Variants in TLR5 observed in about 807,000 individuals in gnomAD.
The protein encoded by TLR5 is toll like receptor 5.
For missense variants in TLR5, 944 were observed against 999.8 expected, an observed-to-expected ratio of 0.94 and a Z score of 0.75; for synonymous variants, 373 against 384.4, an observed-to-expected ratio of 0.97 and a Z score of 0.35.
chr1:223,112,805 T>G lies in TLR5; in HGVS notation c.227A>C (p.Glu76Ala). The G allele has an allele frequency of 6.2e-7, 1 of 1,612,472 alleles. No individual in the cohort carries two copies. The highest frequency in any genetic ancestry group is 1.7e-5 in the Admixed American group (1 of 59,878). ...FPFLEQLQLL[E>A]LGSQYTPLTI... ...CAAGGGGGTATACTGGCTCCCGAGCTCCAGCAGCTGCAGCTGTTCCAGAAA... is the reference window on the plus strand; with the variant it reads ...CAAGGGGGTATACTGGCTCCCGAGCGCCAGCAGCTGCAGCTGTTCCAGAAA... Residue 76 changes from glutamate (E) to alanine (A), a missense_variant, in exon 6 of 6, where the codon GAG becomes GCG. Glu to Ala is a moderately radical substitution (Grantham distance 107, BLOSUM62 -1). Coordinates refer to ENST00000642603, the MANE Select transcript of TLR5 (RefSeq NM_003268.6).
At position 223,110,697 on chromosome 1, in the gene TLR5, A is replaced by G; in HGVS notation, c.2335T>C (p.Cys779Arg). Residue 779 changes from cysteine (C) to arginine (R), a missense_variant, in exon 6 of 6, where the codon TGC becomes CGC. Transcript: ENST00000642603. ...AGAGCACTGTTAAGGTCAGATAAGC[A>G]CCTGCCCTGGGCATAACTGAAGGCT... is the stretch of plus-strand genomic sequence containing the variant. ...LEAFSYAQGRCLSDLNSALIM... is the reference protein window; with the variant it reads ...LEAFSYAQGRRLSDLNSALIM... 6.2e-7 allele frequency: 1 copy of G among 1,614,142 alleles called. No individual in the cohort carries two copies. Among genetic ancestry groups the G allele is most frequent in the Non-Finnish European group, 8.5e-7 (1 of 1,180,026 alleles).
chr1:223,142,996 C>T (rs1657945699), intron 1 of TLR5, among the ~76,000 whole-genome samples, 200 bp downstream of exon 1: 1 of 152,158 alleles, frequency 6.6e-6, no homozygotes, highest in South Asian at 2.1e-4. Flanking sequence ...GCCGAGGGAC[C>T]CCACGTCTCG....
chr1:223,111,533 C>A lies in TLR5; in HGVS notation c.1499G>T (p.Gly500Val). Residue 500 changes from glycine to valine, a missense_variant, in exon 6 of 6, where the codon GGA becomes GTA. Transcript: ENST00000642603. ...ATACAGAACTTGAAGATGAGAAAGT[C>A]CCTCAAAAACATCCCAACAGAGCTC... ...ETELCWDVFE[G>V]LSHLQVLYLN... 1 of 1,614,064 alleles carries A rather than the reference C, an allele frequency of 6.2e-7. No homozygotes were observed. Among genetic ancestry groups the A allele is most frequent in the South Asian group, 1.1e-5 (1 of 91,058 alleles).
At chr1:223,114,204 G>GT (rs1253134477) in intron 5 of TLR5, among the ~76,000 whole-genome samples, 1 of 152,150 alleles carries the variant, frequency 6.6e-6, no homozygotes, top group Non-Finnish European at 1.5e-5. Context: ...TGGGTTGAGT[G>GT]TTTTTTTCAT....
At position 223,112,708 on chromosome 1, in the gene TLR5, G is replaced by A. The variant is rs1243044972; in HGVS notation, c.324C>T (p.Tyr108=). 1 of 1,614,240 alleles carries A rather than the reference G, an allele frequency of 6.2e-7. No individual in the cohort carries two copies. The highest frequency in any genetic ancestry group is 1.7e-5 in the Admixed American group (1 of 60,028). The change falls in exon 6 of 6, where the codon TAC becomes TAT. Residue 108 remains tyrosine, a synonymous_variant. Transcript: ENST00000642603. ...RILDLGSSKI[Y]FLHPDAFQGL... The stretch of plus-strand genomic sequence containing the variant: ...CCTGAAAAGCATCTGGATGCAAGAA[G>A]TATATCTTACTACTTCCCAGGTCCA...
rs201896501 is a variant in TLR5 at position 223,112,752 on chromosome 1, G to C, written c.280C>G (p.Leu94Val). The C allele has an allele frequency of 5.6e-6, 9 of 1,614,114 alleles. No homozygotes were observed. Among genetic ancestry groups the C allele is most frequent in the Non-Finnish European group, 7.6e-6 (9 of 1,179,998 alleles). ...AGGTCCAAGATTCTAAGGTTGGGCA[G>C]GTTTCTGAAGGCCTCCTTGTCAATA... ...LTIDKEAFRN[L>V]PNLRILDLGS... Residue 94 changes from leucine to valine, a missense_variant, in exon 6 of 6, where the codon CTG (leucine) becomes GTG (valine). Coordinates refer to ENST00000642603, the MANE Select transcript of TLR5 (RefSeq NM_003268.6).
chr1:223,133,936 G>C (rs1657501356), intron 4 of TLR5, among the ~76,000 whole-genome samples: 1 of 152,212 alleles, frequency 6.6e-6, no homozygotes, highest in Non-Finnish European at 1.5e-5. Flanking sequence ...AAGCGTCCCT[G>C]AGCTGAGCTC....
At chr1:223,116,075 G>A (rs1656621897) in intron 5 of TLR5, among the ~76,000 whole-genome samples, 1 of 152,072 alleles carries the variant, frequency 6.6e-6, no homozygotes, top group African/African-American at 2.4e-5. Flanking sequence ...TAAATCCCCT[G>A]CCGTGTTACT....
chr1:223,139,429 C>G (rs777547907), intron 2 of TLR5, among the ~76,000 whole-genome samples: 2 of 152,198 alleles, frequency 1.3e-5, no homozygotes, highest in Non-Finnish European at 2.9e-5. Context: ...AGAGGCTGTG[C>G]AGGGTGCTAT....
intron 5 of TLR5, among the ~76,000 whole-genome samples, chr1:223,121,114 A>T (rs1656934503): frequency 6.6e-6 from 1 of 152,192 alleles, no homozygotes; most frequent in Non-Finnish European, 1.5e-5. Flanking sequence ...GGTCAGTTGA[A>T]TATTATTTTA....
At chr1:223,135,959 C>G (rs1202221271) in intron 3 of TLR5, among the ~76,000 whole-genome samples, 11 of 152,142 alleles carry the variant, frequency 7.2e-5, no homozygotes, top group South Asian at 4.1e-4. Context: ...CTAGGCTCAC[C>G]TCCACCTCTG....
rs138236503 is a variant in TLR5, at chr1:223,112,238, A to G, written c.794T>C (p.Met265Thr). Residue 265 changes from methionine to threonine, a missense_variant, in exon 6 of 6, where the codon ATG (methionine) becomes ACG (threonine). Coordinates refer to ENST00000642603, the MANE Select transcript of TLR5 (RefSeq NM_003268.6). ...AFSLILAHHI[M>T]GAGFGFHNIK... The stretch of plus-strand genomic sequence containing the variant: ...GTTATGGAAGCCAAACCCGGCACCC[A>G]TGATGTGGTGGGCAAGAATCAAAGA... 10 of 1,614,118 alleles carry G rather than the reference A, an allele frequency of 6.2e-6. No homozygotes were observed. The African/African-American group carries it at 1.2e-4, about 19-fold the overall frequency.
At position 223,111,667 on chromosome 1, in the gene TLR5, T is replaced by C; in HGVS notation, c.1365A>G (p.Leu455=). ...TACAGGAGGAGAAGCGATTTTGATT[T>C]AAAATGAGAATCTGGAGATGAGGTA... ...LRVPHLQILI[L]NQNRFSSCSG... Residue 455 remains leucine, a synonymous_variant, in exon 6 of 6, where the codon TTA becomes TTG. Coordinates refer to ENST00000642603, the MANE Select transcript of TLR5 (RefSeq NM_003268.6). 6.2e-7 allele frequency: 1 copy of C among 1,614,150 alleles called. No homozygotes were observed. The highest frequency in any genetic ancestry group is 8.5e-7 in the Non-Finnish European group (1 of 1,180,028).
In TLR5 at chr1:223,112,642, A is replaced by G. The variant is rs1232578892; in HGVS notation, c.390T>C (p.Gly130=). ...HLFELRLYFC[G]LSDAVLKDGY... Reference sequence around the variant, plus strand: ...CATCTTTCAATACAGCATCAGAGAGACCACAGAAATACAGTCTAAGTTCAA... The same window carrying G: ...CATCTTTCAATACAGCATCAGAGAGGCCACAGAAATACAGTCTAAGTTCAA... Residue 130 remains glycine, a synonymous_variant, in exon 6 of 6, where the codon GGT becomes GGC. Transcript: ENST00000642603. 12 of 1,614,128 alleles carry G rather than the reference A, an allele frequency of 7.4e-6. 1 individual carries two copies. The South Asian group carries it at 1.3e-4, about 18-fold the overall frequency.
At chr1:223,115,424 A>AT (rs1488071999) in intron 5 of TLR5, among the ~76,000 whole-genome samples, 3 of 152,062 alleles carry the variant, frequency 2.0e-5, no homozygotes, top group Non-Finnish European at 4.4e-5. Flanking sequence ...TAATTTTTGT[A>AT]TTTTTAGTAG....
intron 5 of TLR5, among the ~76,000 whole-genome samples, chr1:223,114,146 G>C (rs1656508529): frequency 6.6e-6 from 1 of 152,206 alleles, no homozygotes; most frequent in Non-Finnish European, 1.5e-5. Flanking sequence ...ACAATAAACA[G>C]AGACTGGCCC....
At chr1:223,126,631 C>T (rs542741410) in intron 5 of TLR5, among the ~76,000 whole-genome samples, 408 of 152,270 alleles carry the variant, frequency 2.7e-3, no homozygotes, top group Admixed American at 4.8e-3. Flanking sequence ...TAGCCATATC[C>T]CAGTTACTCT....
chr1:223,112,141 A>C lies in TLR5; in HGVS notation c.891T>G (p.His297Gln). 6.2e-7 allele frequency: 1 copy of C among 1,614,230 alleles called. No individual in the cohort carries two copies. Among genetic ancestry groups the C allele is most frequent in the Non-Finnish European group, 8.5e-7 (1 of 1,180,046 alleles). ...RSSVRHLDLS[H>Q]GFVFSLNSRV... ...GTGAGTTCAGGGAGAAGACAAACCC[A>C]TGTGAAAGATCCAGGTGTCTCACTG... Residue 297 changes from histidine to glutamine, a missense_variant, in exon 6 of 6, where the codon CAT becomes CAG. Physicochemically the swap from His to Gln is conservative, Grantham distance 24. Transcript: ENST00000642603.
intron 5 of TLR5, among the ~76,000 whole-genome samples, chr1:223,130,785 C>G (rs1466060604): frequency 6.6e-6 from 1 of 152,196 alleles, no homozygotes; most frequent in Non-Finnish European, 1.5e-5. Context: ...ATTCTGAGAC[C>G]TTTCTCACTG....
Sources: allele counts gnomAD v4.1 joint callset (sites outside exome capture counted in the v4.1 genomes callset), GRCh38; gene constraint gnomAD v4.1.1; transcripts MANE v1.5; gene names NCBI Gene and HGNC (gene_info 2026-07-23, HGNC 2026-07-21).